PDE4D: variants seen among roughly 807,000 people sequenced by gnomAD.
PDE4D encodes the protein 3',5'-cyclic-AMP phosphodiesterase 4D.
A neutral mutation model predicts 87.4 loss-of-function variants in PDE4D; 24 were observed. The observed-to-expected ratio is 0.27, with a 90% CI of 0.20 to 0.39. PDE4D has a LOEUF of 0.39. Ranked by LOEUF, PDE4D falls within the 10% of genes least tolerant of loss-of-function variation. The probability of loss-of-function intolerance (pLI) is 1.00; values close to 1 mark genes in which losing one functional copy is unlikely to be tolerated. For synonymous variants in PDE4D, 384 were observed against 383.2 expected, an observed-to-expected ratio of 1.00 and a Z score of -0.02; for missense variants, 714 against 1,041.0, an observed-to-expected ratio of 0.69 and a Z score of 4.32.
intron 1 of PDE4D, among the ~76,000 whole-genome samples, chr5:60,314,215 G>A (rs1022123018): frequency 1.3e-5 from 2 of 151,072 alleles, no homozygotes; most frequent in African/African-American, 4.9e-5. Context: ...CACCCAGGCT[G>A]GAATGCAGTT....
At chr5:59,875,937 T>C (rs1748536799) in intron 1 of PDE4D, among the ~76,000 whole-genome samples, 1 of 151,926 alleles carries the variant, frequency 6.6e-6, no homozygotes, top group Non-Finnish European at 1.5e-5. Flanking sequence ...TAGAGGGGAA[T>C]GGCACACACT....
chr5:59,439,274 G>A (rs1194663945), intron 1 of PDE4D, among the ~76,000 whole-genome samples: 1 of 150,686 alleles, frequency 6.6e-6, no homozygotes, highest in Middle Eastern at 3.2e-3. Context: ...CAGGAGAATT[G>A]CTTGAACCCT....
intron 5 of PDE4D, among the ~76,000 whole-genome samples, chr5:59,097,506 G>C (rs1355090433): frequency 6.6e-6 from 1 of 152,076 alleles, no homozygotes; most frequent in Non-Finnish European, 1.5e-5. Context: ...TCACACCAAG[G>C]CATAATCATT....
chr5:60,133,999 T>A (rs545155050), intron 2 of PDE4D, among the ~76,000 whole-genome samples: 1 of 152,206 alleles, frequency 6.6e-6, no homozygotes, highest in African/African-American at 2.4e-5. Flanking sequence ...GTAAAAATCA[T>A]AGATACCTTC....
intron 5 of PDE4D, among the ~76,000 whole-genome samples, chr5:59,117,327 TA>T (rs1362739357): frequency 6.6e-6 from 1 of 152,256 alleles, no homozygotes; most frequent in Non-Finnish European, 1.5e-5. Flanking sequence ...CATCTGTTTT[TA>T]AAAACCATTA....
intron 1 of PDE4D, among the ~76,000 whole-genome samples, chr5:59,850,524 A>C (rs190552297): frequency 2.8e-4 from 43 of 152,182 alleles, no homozygotes; most frequent in African/African-American, 9.9e-4. Flanking sequence ...TTTCAGGCAA[A>C]GAGAACAGGA....
intron 5 of PDE4D, among the ~76,000 whole-genome samples, chr5:59,065,773 C>T (rs956731735): frequency 7.9e-5 from 12 of 152,112 alleles, no homozygotes; most frequent in Admixed American, 7.9e-4. Flanking sequence ...TCATTCACAT[C>T]GGCATTTGGA....
chr5:59,515,802 C>A (rs182894851), intron 1 of PDE4D, among the ~76,000 whole-genome samples: 10 of 152,168 alleles, frequency 6.6e-5, no homozygotes, highest in African/African-American at 2.4e-4. Context: ...TAGAGGGATA[C>A]GCCACAATTA....
chr5:59,129,189 T>G (rs555477872), intron 5 of PDE4D, among the ~76,000 whole-genome samples: 1 of 152,362 alleles, frequency 6.6e-6, no homozygotes, highest in East Asian at 1.9e-4. Flanking sequence ...TTCAGTGAGT[T>G]TCACAACTAG....
chr5:59,611,605 T>C (rs1296508039), intron 1 of PDE4D, among the ~76,000 whole-genome samples: 1 of 152,156 alleles, frequency 6.6e-6, no homozygotes, highest in African/African-American at 2.4e-5. Context: ...TGTTACACAA[T>C]CTCCCTAGCA....
chr5:60,469,699 G>T (rs1384886627), intron 1 of PDE4D, among the ~76,000 whole-genome samples: 1 of 152,114 alleles, frequency 6.6e-6, no homozygotes, highest in Non-Finnish European at 1.5e-5. Context: ...GGTGATATGT[G>T]ATCAGTGATC....
intron 1 of PDE4D, chr5:59,592,228 A>AACATCGTTATTAGT: frequency 1.3e-6 from 1 of 743,410 alleles, no homozygotes; most frequent in Non-Finnish European, 1.6e-6. Flanking sequence ...ATGTTAACTA[A>AACATCGTTATTAGT]TAACGATGTT....
At chr5:60,321,886 A>G (rs1346627836) in intron 1 of PDE4D, among the ~76,000 whole-genome samples, 5 of 135,488 alleles carry the variant, frequency 3.7e-5, no homozygotes, top group African/African-American at 6.2e-5. Flanking sequence ...AAAAGTCAAA[A>G]AATACTGTTT....
chr5:60,299,896 T>C (rs1753741671), intron 1 of PDE4D, among the ~76,000 whole-genome samples: 2 of 152,214 alleles, frequency 1.3e-5, no homozygotes, highest in Non-Finnish European at 1.5e-5. Flanking sequence ...GAATGATTTA[T>C]ATTCCTTTGG....
chr5:59,387,438 GA>G (rs993127419), intron 1 of PDE4D, among the ~76,000 whole-genome samples: 38 of 152,040 alleles, frequency 2.5e-4, no homozygotes, highest in African/African-American at 8.4e-4. Flanking sequence ...TAATAATGGA[GA>G]AAAAAAGAGC....
chr5:59,954,279 C>A (rs575055205), intron 3 of PDE4D, among the ~76,000 whole-genome samples: 1 of 152,126 alleles, frequency 6.6e-6, no homozygotes, highest in Non-Finnish European at 1.5e-5. Context: ...GACAATTATT[C>A]TTGGCATGGG....
intron 1 of PDE4D, among the ~76,000 whole-genome samples, chr5:60,212,290 A>C (rs1743317065): frequency 6.6e-6 from 1 of 152,116 alleles, no homozygotes. Context: ...GAAAAATCAT[A>C]ACTTTCTGTG....
chr5:59,641,847 A>G (rs1741633996), intron 1 of PDE4D, among the ~76,000 whole-genome samples: 1 of 152,222 alleles, frequency 6.6e-6, no homozygotes, highest in Non-Finnish European at 1.5e-5. Flanking sequence ...TATTACTGAA[A>G]AAAGTACAGA....
At chr5:59,594,325 TTTATTTATTTA>T (rs1391122605) in intron 1 of PDE4D, among the ~76,000 whole-genome samples, 2 of 149,356 alleles carry the variant, frequency 1.3e-5, no homozygotes, top group African/African-American at 5.0e-5. Flanking sequence ...TATTTATTTA[TTTATTTATTTA>T]TTTGGCAGAG....
Sources: allele counts gnomAD v4.1 joint callset (sites outside exome capture counted in the v4.1 genomes callset), GRCh38; gene constraint gnomAD v4.1.1; transcripts MANE v1.5; gene names NCBI Gene and HGNC (gene_info 2026-07-23, HGNC 2026-07-21).